The following KLF13 variants were observed in gnomAD, a reference collection of about 807,000 sequenced individuals.
KLF13 encodes Krueppel-like factor 13.
KLF13 carries 8 observed loss-of-function variants against 16.7 expected under a neutral mutation model. The observed-to-expected ratio is 0.48, with a 90% CI of 0.28 to 0.87. The LOEUF (loss-of-function observed/expected upper bound fraction) is 0.87. Among genes scored for constraint, KLF13 ranks in the 40% least tolerant of loss-of-function variants. The pLI is 0.10. For missense variants in KLF13, 447 were observed against 452.2 expected, an observed-to-expected ratio of 0.99 and a Z score of 0.10; for synonymous variants, 245 against 208.4, an observed-to-expected ratio of 1.18 and a Z score of -1.51.
intron 1 of KLF13, among the ~76,000 whole-genome samples, chr15:31,415,686 G>GA (rs1256960368): frequency 4.6e-5 from 7 of 151,708 alleles, no homozygotes. Context: ...TGTTAAAAAA[G>GA]AAAAAAGATC....
downstream of KLF13, among the ~76,000 whole-genome samples, chr15:31,409,650 T>G (rs1357134427): frequency 3.3e-5 from 5 of 152,118 alleles, no homozygotes; most frequent in Non-Finnish European, 7.4e-5. Flanking sequence ...AAGGACACGT[T>G]ACATACAGAG....
downstream of KLF13, among the ~76,000 whole-genome samples, chr15:31,409,601 C>CA (rs978734734): frequency 2.6e-5 from 4 of 151,798 alleles, no homozygotes; most frequent in Non-Finnish European, 5.9e-5. Flanking sequence ...TTTCCAAAAA[C>CA]AAAAAACAAA....
downstream of KLF13, among the ~76,000 whole-genome samples, chr15:31,381,015 TA>T (rs2140975403): frequency 6.6e-6 from 1 of 151,880 alleles, no homozygotes; most frequent in East Asian, 1.9e-4. Context: ...CCACTAAAAA[TA>T]CAAAAATTAG....
At chr15:31,330,639 T>C (rs1184647624) in intron 1 of KLF13, among the ~76,000 whole-genome samples, 2 of 152,236 alleles carry the variant, frequency 1.3e-5, no homozygotes, top group Non-Finnish European at 2.9e-5. Context: ...TCTGAACAGC[T>C]GCATGCTAAG....
At chr15:31,435,438 C>A (rs2040519353) in exon 2 of KLF13, 1 of 152,110 alleles carries the variant, frequency 6.6e-6, no homozygotes, top group South Asian at 2.1e-4. Context: ...AGGTCACAGA[C>A]CCACGGTTTT....
At chr15:31,391,209 TG>T (rs1264229281), upstream of KLF13, among the ~76,000 whole-genome samples, 5 of 28,334 alleles carry the variant, frequency 1.8e-4, no homozygotes, top group Admixed American at 2.0e-3. Context: ...TGTGGTCCTG[TG>T]GGGGGGCTGG....
intron 1 of KLF13, among the ~76,000 whole-genome samples, chr15:31,365,377 A>G (rs1257768411): frequency 6.6e-6 from 1 of 152,030 alleles, no homozygotes; most frequent in African/African-American, 2.4e-5. Context: ...TCCCGGTAGG[A>G]GTTGCATTTC....
intron 2 of KLF13, among the ~76,000 whole-genome samples, chr15:31,401,486 G>A (rs1036831752): frequency 6.6e-6 from 1 of 152,336 alleles, no homozygotes; most frequent in Non-Finnish European, 1.5e-5. Flanking sequence ...GGGAGCAGGG[G>A]TCAAGGGTGT....
chr15:31,334,944 A>G (rs2038902141), intron 1 of KLF13, among the ~76,000 whole-genome samples: 2 of 152,186 alleles, frequency 1.3e-5, no homozygotes, highest in African/African-American at 4.8e-5. Context: ...CCAAAATAAC[A>G]GAAACTCGAA....
At position 31,342,036 on chromosome 15, in the gene KLF13, A is replaced by T. The variant is rs1041315953; in HGVS notation, c.577+14247A>T. On this transcript the variant is annotated intron_variant, in intron 1 of 1. Transcript: ENST00000307145. Reference sequence around the variant, plus strand: ...TGTTACCAGGTAACCAACCCCTCTCAGGTACCAACAGGCTGTACCTGGCTA... The same window carrying T: ...TGTTACCAGGTAACCAACCCCTCTCTGGTACCAACAGGCTGTACCTGGCTA... Among the ~76,000 whole-genome samples the T allele has an allele frequency of 2.0e-5, 3 of 152,188 alleles. No individual in the cohort carries two copies. The East Asian group carries it at 5.8e-4, about 29-fold the overall frequency.
chr15:31,388,765 CAAA>C (rs11310230), upstream of KLF13, among the ~76,000 whole-genome samples: 16 of 106,202 alleles, frequency 1.5e-4, 1 homozygote, highest in Admixed American at 1.0e-3. Context: ...TAAAAAATCC[CAAA>C]AAAAAAAAAA....
At chr15:31,357,239 C>T (rs185809932) in intron 1 of KLF13, among the ~76,000 whole-genome samples, 1 of 152,166 alleles carries the variant, frequency 6.6e-6, no homozygotes, top group Non-Finnish European at 1.5e-5. Context: ...TCCGCCAGGC[C>T]GTCTATGCGG....
At chr15:31,357,997 G>A (rs2039326904) in intron 1 of KLF13, among the ~76,000 whole-genome samples, 1 of 152,198 alleles carries the variant, frequency 6.6e-6, no homozygotes, top group Non-Finnish European at 1.5e-5. Context: ...GGTGGTGGGT[G>A]CCTGTGCCTG....
In KLF13 at chr15:31,377,314, G is replaced by GGC. The variant is rs2039664902; in HGVS notation, c.*5016_*5017dup. 6.6e-6 allele frequency: 1 copy of GGC among 152,424 alleles called. No individual in the cohort carries two copies. The highest frequency in any genetic ancestry group is 2.1e-4 in the South Asian group (1 of 4,794). 9.4% of individuals were successfully genotyped at this position (152,424 alleles called of 1,614,324 possible). On this transcript the variant is annotated 3_prime_UTR_variant, in exon 2 of 2. Coordinates refer to ENST00000307145, the MANE Select transcript of KLF13 (RefSeq NM_015995.4). ...TTGCTCCCTGGCCTCATCCTAGAGA[G>GGC]GCCCCTGGTGCCTAGTGCTGAGGCC...
intron 2 of KLF13, among the ~76,000 whole-genome samples, chr15:31,398,136 T>C (rs2039981497): frequency 6.6e-6 from 1 of 152,212 alleles, no homozygotes; most frequent in Admixed American, 6.5e-5. Context: ...GGCCTTTGCC[T>C]GGACAGGTTC....
chr15:31,397,008 T>C (rs1178622551), intron 2 of KLF13, among the ~76,000 whole-genome samples: 1 of 152,040 alleles, frequency 6.6e-6, no homozygotes, highest in Admixed American at 6.6e-5. Context: ...GTCTGGGTTA[T>C]AATTTTGCAG....
intron 1 of KLF13, among the ~76,000 whole-genome samples, chr15:31,341,854 G>A (rs564980293): frequency 3.9e-5 from 6 of 152,288 alleles, no homozygotes; most frequent in Admixed American, 1.3e-4. Flanking sequence ...CAGCTTCTGC[G>A]TCTGTATCCT....
chr15:31,414,634 C>T (rs1038466685), intron 1 of KLF13, among the ~76,000 whole-genome samples: 2 of 152,084 alleles, frequency 1.3e-5, no homozygotes, highest in Admixed American at 1.3e-4. Context: ...AGTGGGAATA[C>T]TTTATAACAG....
intron 1 of KLF13, among the ~76,000 whole-genome samples, chr15:31,411,211 C>T (rs991450838): frequency 5.3e-5 from 8 of 152,018 alleles, no homozygotes; most frequent in Non-Finnish European, 1.2e-4. Context: ...ATTATAGATG[C>T]AACAATCATC....
Sources: allele counts gnomAD v4.1 joint callset (sites outside exome capture counted in the v4.1 genomes callset), GRCh38; gene constraint gnomAD v4.1.1; transcripts MANE v1.5; gene names NCBI Gene and HGNC (gene_info 2026-07-23, HGNC 2026-07-21).